FCAR: variants seen among roughly 807,000 people sequenced by gnomAD.
FCAR encodes the protein Fc alpha receptor, also known as immunoglobulin alpha Fc receptor.
In FCAR, 21 loss-of-function variants were observed where a neutral mutation model predicts 27.1. The ratio of observed to expected loss-of-function variants is 0.77; its 90% CI spans 0.55 to 1.11. The LOEUF (loss-of-function observed/expected upper bound fraction) is 1.11, where lower values mean the gene tolerates loss of function less well. FCAR is among the 50% of genes most tolerant of loss of function. The pLI is 0.00. For missense variants in FCAR, 404 were observed against 358.4 expected, an observed-to-expected ratio of 1.13 and a Z score of -1.03; for synonymous variants, 134 against 135.8, an observed-to-expected ratio of 0.99 and a Z score of 0.09.
chr19:54,888,649 G>A, intron 4 of FCAR: 1 of 612,658 alleles, frequency 1.6e-6, no homozygotes, highest in Non-Finnish European at 2.1e-6. Flanking sequence ...CCAGGTTCAA[G>A]CAATTCTCCT....
At chr19:54,876,528 T>C (rs2066097829) in intron 2 of FCAR, among the ~76,000 whole-genome samples, 1 of 152,206 alleles carries the variant, frequency 6.6e-6, no homozygotes, top group African/African-American at 2.4e-5. Flanking sequence ...TCGAGGTTTT[T>C]TAGCATAAAG....
At chr19:54,877,952 G>A (rs1053410350) in intron 2 of FCAR, among the ~76,000 whole-genome samples, 2 of 133,720 alleles carry the variant, frequency 1.5e-5, no homozygotes, top group Non-Finnish European at 3.1e-5. Flanking sequence ...GTCTTGCTCT[G>A]TCGCCCAGGC....
intron 4 of FCAR, chr19:54,888,850 G>A: frequency 1.0e-6 from 1 of 987,980 alleles, no homozygotes; most frequent in Non-Finnish European, 1.2e-6. Context: ...TTCTGGTGTT[G>A]TAGAGATGTG....
At chr19:54,877,904 G>A (rs2066181546) in intron 2 of FCAR, among the ~76,000 whole-genome samples, 1 of 148,600 alleles carries the variant, frequency 6.7e-6, no homozygotes, top group African/African-American at 2.5e-5. Context: ...CGCTTTTCTG[G>A]ATTTGCTAAG....
intron 2 of FCAR, among the ~76,000 whole-genome samples, chr19:54,883,327 G>GGGGT (rs1199936854): frequency 6.6e-6 from 1 of 152,036 alleles, no homozygotes; most frequent in Non-Finnish European, 1.5e-5. Flanking sequence ...GTTGTGAGGA[G>GGGGT]GGGTGACTCC....
chr19:54,879,233 A>G (rs1285440275), intron 2 of FCAR, among the ~76,000 whole-genome samples: 1 of 152,136 alleles, frequency 6.6e-6, no homozygotes, highest in Non-Finnish European at 1.5e-5. Flanking sequence ...CAATTAGTCC[A>G]TTTACATTCA....
At chr19:54,881,500 G>T (rs1044465290) in intron 2 of FCAR, among the ~76,000 whole-genome samples, 2 of 151,966 alleles carry the variant, frequency 1.3e-5, no homozygotes, top group African/African-American at 4.8e-5. Context: ...GCTGGGGCTT[G>T]TTGAAGAGCA....
intron 1 of FCAR, among the ~76,000 whole-genome samples, 155 bp from the exon 2 acceptor site, chr19:54,875,175 A>C (rs904156199): frequency 4.6e-5 from 7 of 152,106 alleles, no homozygotes; most frequent in Non-Finnish European, 8.8e-5. Context: ...TGTCTCAAAA[A>C]AAAAAAAAAA....
chr19:54,875,413 G>A (rs753390737), intron 2 of FCAR, 48 bp downstream of exon 2: 3 of 1,515,868 alleles, frequency 2.0e-6, no homozygotes, highest in Non-Finnish European at 2.7e-6. Flanking sequence ...CCTCTTGGGA[G>A]CTCTAGGATA....
chr19:54,876,852 C>T (rs912909864), intron 2 of FCAR, among the ~76,000 whole-genome samples: 1 of 152,110 alleles, frequency 6.6e-6, no homozygotes, highest in Non-Finnish European at 1.5e-5. Flanking sequence ...ATCCAGGAGG[C>T]GGAGCTTGCA....
intron 2 of FCAR, among the ~76,000 whole-genome samples, chr19:54,881,488 A>G (rs1413638531): frequency 6.6e-6 from 1 of 151,864 alleles, no homozygotes; most frequent in African/African-American, 2.4e-5. Flanking sequence ...CCGCGGAATC[A>G]AGCTGGGGCT....
In FCAR at chr19:54,889,889, A is replaced by G. The variant is rs587738433; in HGVS notation, c.*26A>G. On this transcript the variant is annotated 3_prime_UTR_variant, in exon 5 of 5. Coordinates refer to ENST00000355524, the MANE Select transcript of FCAR (RefSeq NM_002000.4). ...ACACCTGGAGGTGAAGGCAGAGAGG[A>G]GCCAGGACTGTGGAGTCCGACAAAG... 1.3e-6 allele frequency: 2 copies of G among 1,537,198 alleles called. No homozygotes were observed. Among genetic ancestry groups the G allele is most frequent in the South Asian group, 2.2e-5 (2 of 89,968 alleles).
chr19:54,878,153 A>G (rs1364133987), intron 2 of FCAR, among the ~76,000 whole-genome samples: 2 of 152,130 alleles, frequency 1.3e-5, no homozygotes, highest in Non-Finnish European at 2.9e-5. Flanking sequence ...TCCTGACCTC[A>G]TGATCCGCCA....
chr19:54,882,420 ATTCTTTTTTT>A (rs2066472922), intron 2 of FCAR, among the ~76,000 whole-genome samples: 1 of 149,316 alleles, frequency 6.7e-6, no homozygotes, highest in Non-Finnish European at 1.5e-5. Flanking sequence ...TCTTGTGTTG[ATTCTTTTTTT>A]TTTTTCTTTT....
intron 2 of FCAR, among the ~76,000 whole-genome samples, chr19:54,875,592 T>A (rs1463779604): frequency 6.6e-6 from 1 of 152,232 alleles, no homozygotes; most frequent in Non-Finnish European, 1.5e-5. Context: ...TGTGTTAGAC[T>A]GTCCATGAAG....
rs749038112 is a variant in FCAR, at chr19:54,888,227, C to T, written c.582C>T (p.Tyr194=). 29 of 1,614,044 alleles carry T rather than the reference C, an allele frequency of 1.8e-5. No individual in the cohort carries two copies. The Admixed American group carries it at 3.2e-4, about 18-fold the overall frequency. The change falls in exon 4 of 5, where the codon TAC becomes TAT. Residue 194 remains tyrosine (Y), a synonymous_variant. Transcript: ENST00000355524. The part of the protein sequence containing the change: ...DLNVSGIYRC[Y]GWYNRSPYLW... The stretch of plus-strand genomic sequence containing the variant: ...ATGTCTCAGGGATCTACAGGTGCTA[C>T]GGTTGGTACAACAGGAGCCCCTACC...
chr19:54,884,898 C>G (rs1420044984), intron 2 of FCAR, among the ~76,000 whole-genome samples: 1 of 150,494 alleles, frequency 6.6e-6, no homozygotes. Context: ...GCTCTGCCTC[C>G]CAGGTTCACG....
Position 54,888,179 on chromosome 19 carries a change from C to T in FCAR, c.534C>T (p.Phe178=), listed in dbSNP as rs766947859. The change falls in exon 4 of 5, where the codon TTC becomes TTT. Residue 178 remains phenylalanine, a synonymous_variant. Transcript: ENST00000355524. ...AAAGTGGGGAACACCCGGCCAACTT[C>T]TCTTTGGGTCCTGTGGACCTCAATG... ...QHQSGEHPAN[F]SLGPVDLNVS... 1.9e-6 allele frequency: 3 copies of T among 1,614,188 alleles called. No homozygotes were observed. Among genetic ancestry groups the T allele is most frequent in the South Asian group, 1.1e-5 (1 of 91,082 alleles).
chr19:54,889,371 CAA>C (rs764886901), intron 4 of FCAR, among the ~76,000 whole-genome samples: 51 of 77,630 alleles, frequency 6.6e-4, no homozygotes, highest in South Asian at 1.4e-3. Context: ...GACTCCATCT[CAA>C]AAAAAAAAAA....
Sources: allele counts gnomAD v4.1 joint callset (sites outside exome capture counted in the v4.1 genomes callset), GRCh38; gene constraint gnomAD v4.1.1; transcripts MANE v1.5; gene names NCBI Gene and HGNC (gene_info 2026-07-23, HGNC 2026-07-21).